Variants in ZCCHC14 observed in about 807,000 individuals in gnomAD.
ZCCHC14 encodes zinc finger CCHC-type containing 14.
A neutral mutation model predicts 85.0 loss-of-function variants in ZCCHC14; 16 were observed. That is an observed-to-expected ratio of 0.19 (90% CI 0.13 to 0.29). The LOEUF is 0.29. Ranked by LOEUF, ZCCHC14 falls within the 10% of genes least tolerant of loss-of-function variation. The probability of loss-of-function intolerance (pLI) is 1.00; values close to 1 mark genes in which losing one functional copy is unlikely to be tolerated. For synonymous variants in ZCCHC14, 775 were observed against 630.7 expected (o/e 1.23, Z -3.43); for missense variants, 1,303 against 1,443.5 (o/e 0.90, Z 1.58).
rs1597444449 is a variant in ZCCHC14 at position 87,467,099 on chromosome 16, G to A, written c.571-6968C>T. 10 of 606,808 alleles carry A rather than the reference G, an allele frequency of 1.6e-5. No homozygotes were observed. In the East Asian group the frequency reaches 2.0e-4, roughly 12 times the overall value. 37.6% of individuals were successfully genotyped at this position (606,808 alleles called of 1,614,324 possible). ...AGGGTCCCGCTATGTTGCCCCATCTGACCTCTAACTCCTGGCCTCAAAAGT... is the reference window on the plus strand; with the variant it reads ...AGGGTCCCGCTATGTTGCCCCATCTAACCTCTAACTCCTGGCCTCAAAAGT... On this transcript the variant is annotated intron_variant, in intron 1 of 12. Transcript: ENST00000671377.
chr16:87,427,717 A>G (rs1050964445), intron 3 of ZCCHC14, among the ~76,000 whole-genome samples: 1 of 152,092 alleles, frequency 6.6e-6, no homozygotes, highest in Admixed American at 6.6e-5. Context: ...GGCTCACTGC[A>G]GCCTTGACCT....
intron 1 of ZCCHC14, among the ~76,000 whole-genome samples, chr16:87,461,886 G>A (rs867497360): frequency 6.6e-6 from 1 of 152,210 alleles, no homozygotes; most frequent in Non-Finnish European, 1.5e-5. Flanking sequence ...TGCAGGGAGA[G>A]GGACTAACAG....
chr16:87,419,433 G>A (rs567607395), intron 6 of ZCCHC14, among the ~76,000 whole-genome samples: 6 of 152,152 alleles, frequency 3.9e-5, no homozygotes, highest in East Asian at 1.9e-4. Context: ...CCCAAGTAGC[G>A]GGGACTGCAG....
chr16:87,431,374 G>A (rs997372804), intron 3 of ZCCHC14, among the ~76,000 whole-genome samples: 4 of 150,212 alleles, frequency 2.7e-5, no homozygotes, highest in Admixed American at 6.7e-5. Flanking sequence ...TCAGGAGGCT[G>A]AGGCAGGAAA....
At position 87,460,208 on chromosome 16, in the gene ZCCHC14, C is replaced by A. The variant is rs1387210175; in HGVS notation, c.571-77G>T. On this transcript the variant is annotated intron_variant, in intron 1 of 12. Transcript: ENST00000671377. ...GGACAATTTTATTTGTTAATTAAGT[C>A]TTTCATAATTACCTTGGTTTCCATT... is the stretch of plus-strand genomic sequence containing the variant. The A allele has an allele frequency of 2.6e-6, 4 of 1,529,422 alleles. No individual in the cohort carries two copies. The African/African-American group carries it at 4.2e-5, about 16-fold the overall frequency. 94.7% of individuals were successfully genotyped at this position (1,529,422 alleles called of 1,614,324 possible).
chr16:87,416,327 C>G (rs954594516), intron 8 of ZCCHC14, among the ~76,000 whole-genome samples: 1 of 152,186 alleles, frequency 6.6e-6, no homozygotes, highest in South Asian at 2.1e-4. Context: ...GCTGGTGCTA[C>G]GCAAACACAC....
chr16:87,486,369 A>G (rs1597457584), intron 1 of ZCCHC14, among the ~76,000 whole-genome samples: 1 of 152,364 alleles, frequency 6.6e-6, no homozygotes, highest in Middle Eastern at 3.4e-3. Context: ...ATACACAAAT[A>G]CCACTGGGTT....
intron 1 of ZCCHC14, 41 bp from the exon 2 acceptor site, chr16:87,460,172 G>A: frequency 6.3e-7 from 1 of 1,596,146 alleles, no homozygotes; most frequent in East Asian, 2.2e-5. Context: ...TTCTCCCACG[G>A]AGTTAATAGG....
chr16:87,481,249 C>T (rs1912253770), intron 1 of ZCCHC14, among the ~76,000 whole-genome samples: 1 of 151,988 alleles, frequency 6.6e-6, no homozygotes, highest in South Asian at 2.1e-4. Flanking sequence ...AGTTAAGGTA[C>T]CAATGCTTCT....
chr16:87,479,977 T>C (rs1912192196), intron 1 of ZCCHC14, among the ~76,000 whole-genome samples: 1 of 152,002 alleles, frequency 6.6e-6, no homozygotes, highest in Non-Finnish European at 1.5e-5. Context: ...GGTTTCGCCA[T>C]GTTGCCAGGC....
At chr16:87,466,541 A>G (rs1301917610) in intron 1 of ZCCHC14, among the ~76,000 whole-genome samples, 3 of 152,242 alleles carry the variant, frequency 2.0e-5, no homozygotes, top group Non-Finnish European at 2.9e-5. Flanking sequence ...TAAATGCATA[A>G]AATACACAGG....
intron 1 of ZCCHC14, among the ~76,000 whole-genome samples, chr16:87,466,684 T>G (rs1420359785): frequency 6.6e-6 from 1 of 152,194 alleles, no homozygotes; most frequent in Non-Finnish European, 1.5e-5. Context: ...TGAAGACGCT[T>G]TCTACGACTG....
At chr16:87,456,774 T>C (rs1461996578) in intron 2 of ZCCHC14, among the ~76,000 whole-genome samples, 6 of 152,304 alleles carry the variant, frequency 3.9e-5, no homozygotes, top group Non-Finnish European at 7.4e-5. Context: ...TACCTATAGA[T>C]GTGACCCACA....
chr16:87,422,490 C>T (rs1463041467), intron 4 of ZCCHC14, among the ~76,000 whole-genome samples: 2 of 151,514 alleles, frequency 1.3e-5, no homozygotes, highest in African/African-American at 2.4e-5. Context: ...TCTGGGAGGC[C>T]GAGGAGGACA....
rs1216760356 is a variant in ZCCHC14 at position 87,411,498 on chromosome 16, G to A, written c.3205+18C>T. 1 of 1,612,418 alleles carries A rather than the reference G, an allele frequency of 6.2e-7. No individual in the cohort carries two copies. The highest frequency in any genetic ancestry group is 1.1e-5 in the South Asian group (1 of 91,052). ...GTCCTGCGGGAGCCTGGTGGGCGCG[G>A]CCATGGCGCGCGCTTACCTGGCCGG... On this transcript the variant is annotated intron_variant, in intron 12 of 12. Coordinates refer to ENST00000671377, the MANE Select transcript of ZCCHC14 (RefSeq NM_015144.3).
At position 87,412,094 on chromosome 16, in the gene ZCCHC14, G is replaced by A. The variant is rs1225758277; in HGVS notation, c.2627C>T (p.Pro876Leu). 6.2e-7 allele frequency: 1 copy of A among 1,613,148 alleles called. No individual in the cohort carries two copies. ...PSSSPALSSV[P>L]ESSFYSSSGG... ...ACTGCTGCTATAGAAACTGCTTTCA[G>A]GGACGGAGGACAGCGCCGGGCTGGA... The change falls in exon 12 of 13, where the codon CCT becomes CTT. Residue 876 changes from proline (P) to leucine (L), a missense_variant. Physicochemically the swap from Pro to Leu is moderately conservative, Grantham distance 98 (BLOSUM62 -3). This residue lies in a region of ZCCHC14 where 797 missense variants were observed against 730.8 expected (regional missense o/e 1.09). Coordinates refer to ENST00000671377, the MANE Select transcript of ZCCHC14 (RefSeq NM_015144.3).
At chr16:87,442,747 A>G (rs1404064325) in intron 2 of ZCCHC14, among the ~76,000 whole-genome samples, 3 of 152,242 alleles carry the variant, frequency 2.0e-5, no homozygotes, top group Non-Finnish European at 4.4e-5. Context: ...AGACAAAAAA[A>G]TCTTGAAAGC....
chr16:87,462,171 A>G (rs1911295090), intron 1 of ZCCHC14, among the ~76,000 whole-genome samples: 1 of 152,100 alleles, frequency 6.6e-6, no homozygotes, highest in Non-Finnish European at 1.5e-5. Flanking sequence ...CAGAAAGTCA[A>G]TTCTTTGGAT....
chr16:87,487,793 C>A (rs1912578152), intron 1 of ZCCHC14, among the ~76,000 whole-genome samples: 2 of 152,226 alleles, frequency 1.3e-5, no homozygotes, highest in Admixed American at 6.5e-5. Context: ...CAGGGGAACG[C>A]CACTCGGCAG....
Sources: gnomAD v4.1 joint callset for allele counts (sites outside exome capture counted in the v4.1 genomes callset) on GRCh38, gnomAD v4.1.1 for gene constraint, gnomAD v4.1.1 regional missense constraint, MANE v1.5 for transcripts, NCBI Gene and HGNC (gene_info 2026-07-23, HGNC 2026-07-21) for gene names.